The following LDLRAD3 variants were observed in gnomAD, a reference collection of about 807,000 sequenced individuals.
The protein encoded by LDLRAD3 is low-density lipoprotein receptor class A domain-containing protein 3.
LDLRAD3 carries 20 observed loss-of-function variants against 29.4 expected under a neutral mutation model. That is an observed-to-expected ratio of 0.68 (90% CI 0.48 to 0.99). The LOEUF (loss-of-function observed/expected upper bound fraction) is 0.99, where lower values mean the gene tolerates loss of function less well. LDLRAD3 is among the 50% of genes least tolerant of loss of function. The pLI is 0.00. For missense variants in LDLRAD3, 420 were observed against 454.3 expected, an observed-to-expected ratio of 0.92 and a Z score of 0.69; for synonymous variants, 157 against 192.7, an observed-to-expected ratio of 0.81 and a Z score of 1.53.
At chr11:35,959,127 G>A (rs991741122) in intron 1 of LDLRAD3, among the ~76,000 whole-genome samples, 26 of 152,280 alleles carry the variant, frequency 1.7e-4, no homozygotes, top group African/African-American at 5.5e-4. Context: ...AAGGAACGCC[G>A]TCTCCCAGCT....
At chr11:36,076,159 T>A (rs550155847) in intron 2 of LDLRAD3, among the ~76,000 whole-genome samples, 1 of 152,328 alleles carries the variant, frequency 6.6e-6, no homozygotes, top group East Asian at 1.9e-4. Flanking sequence ...AGGAAATGTA[T>A]GTATGTGCAT....
In LDLRAD3 at chr11:36,107,569, G is replaced by A. The variant is rs116810359; in HGVS notation, c.454+9108G>A. Among the ~76,000 whole-genome samples, 1,074 of 152,198 alleles carry A rather than the reference G, an allele frequency of 7.1e-3. 11 individuals carry two copies. The highest frequency in any genetic ancestry group is 0.024 in the African/African-American group (992 of 41,470). On this transcript the variant is annotated intron_variant, in intron 4 of 5. Transcript: ENST00000315571. The stretch of plus-strand genomic sequence containing the variant: ...CAGTCAACCTACATATATGACTGTG[G>A]TCCCATGAAATTATAATACCATGTC...
intron 1 of LDLRAD3, among the ~76,000 whole-genome samples, chr11:35,993,154 C>G (rs1283282602): frequency 6.6e-6 from 1 of 152,150 alleles, no homozygotes. Context: ...CTGGGTCTTT[C>G]TTCTGACTCC....
intron 2 of LDLRAD3, among the ~76,000 whole-genome samples, chr11:36,072,632 C>G (rs1039663179): frequency 1.7e-4 from 26 of 152,172 alleles, no homozygotes; most frequent in African/African-American, 4.8e-4. Flanking sequence ...AAGCTGGACT[C>G]TAGAGCAGAA....
intron 1 of LDLRAD3, among the ~76,000 whole-genome samples, chr11:35,954,074 C>T (rs1851171126): frequency 6.6e-6 from 1 of 152,076 alleles, no homozygotes; most frequent in Admixed American, 6.5e-5. Context: ...ATCGGTGGAT[C>T]CTATGAAGGG....
chr11:36,043,762 C>T (rs974139011), intron 2 of LDLRAD3, among the ~76,000 whole-genome samples: 1 of 152,132 alleles, frequency 6.6e-6, no homozygotes, highest in Non-Finnish European at 1.5e-5. Context: ...TGGTTCTTGG[C>T]AAGCCACTGC....
At chr11:36,089,802 G>A (rs1282425227) in intron 3 of LDLRAD3, among the ~76,000 whole-genome samples, 1 of 150,402 alleles carries the variant, frequency 6.6e-6, no homozygotes, top group Non-Finnish European at 1.5e-5. Flanking sequence ...TGTAGAGAAG[G>A]GGTCTTGCTA....
chr11:35,944,645 G>T lies in LDLRAD3; in HGVS notation c.46+501G>T, dbSNP rs1169633001. On this transcript the variant is annotated intron_variant, in intron 1 of 5. Coordinates refer to ENST00000315571, the MANE Select transcript of LDLRAD3 (RefSeq NM_174902.4). The surrounding 1 kb of genome is among the most constrained non-coding windows in gnomAD (Gnocchi z 4.9). ...TTTCCCCACCTGCACCGCGGAGGGA[G>T]TAGCAAAGCTGCTTCCTTTCATTCC... Among the ~76,000 whole-genome samples, 2 of 152,208 alleles carry T rather than the reference G, an allele frequency of 1.3e-5. No individual in the cohort carries two copies. Among genetic ancestry groups the T allele is most frequent in the African/African-American group, 4.8e-5 (2 of 41,474 alleles).
At chr11:35,949,719 C>G (rs997201779) in intron 1 of LDLRAD3, among the ~76,000 whole-genome samples, 2 of 152,174 alleles carry the variant, frequency 1.3e-5, no homozygotes, top group African/African-American at 4.8e-5. Flanking sequence ...TGCTCTGTTC[C>G]AAACCTTCCT....
intron 2 of LDLRAD3, among the ~76,000 whole-genome samples, chr11:36,059,752 A>G (rs2133232145): frequency 1.3e-5 from 2 of 152,108 alleles, no homozygotes; most frequent in South Asian, 4.1e-4. Context: ...ATCACCACCT[A>G]GCACTTAGCA....
At chr11:36,069,707 C>G (rs577529896) in intron 2 of LDLRAD3, among the ~76,000 whole-genome samples, 1 of 151,770 alleles carries the variant, frequency 6.6e-6, no homozygotes, top group Non-Finnish European at 1.5e-5. Context: ...TCATACTGAC[C>G]TCCTTTCAGT....
intron 4 of LDLRAD3, among the ~76,000 whole-genome samples, chr11:36,118,164 T>C (rs1176047551): frequency 6.6e-6 from 1 of 152,130 alleles, no homozygotes; most frequent in East Asian, 1.9e-4. Context: ...AGCAAAGAAT[T>C]GTCCCACTCC....
intron 4 of LDLRAD3, among the ~76,000 whole-genome samples, chr11:36,131,285 G>A (rs184578558): frequency 5.1e-4 from 77 of 152,312 alleles, no homozygotes; most frequent in Non-Finnish European, 7.1e-4. Context: ...AGCAGCAGAC[G>A]CATCTCAAAG....
chr11:36,085,486 A>G (rs1334324745), intron 3 of LDLRAD3, among the ~76,000 whole-genome samples: 1 of 151,784 alleles, frequency 6.6e-6, no homozygotes, highest in Non-Finnish European at 1.5e-5. Context: ...ATGTTCAGCT[A>G]TTATTTCTTC....
At chr11:35,998,315 C>T (rs536965107) in intron 1 of LDLRAD3, among the ~76,000 whole-genome samples, 52 of 152,322 alleles carry the variant, frequency 3.4e-4, no homozygotes, top group African/African-American at 1.2e-3. Context: ...TTCCTCCTCC[C>T]TCTTCTCTGA....
intron 4 of LDLRAD3, among the ~76,000 whole-genome samples, chr11:36,126,579 G>A (rs1853841235): frequency 6.6e-6 from 1 of 152,174 alleles, no homozygotes; most frequent in African/African-American, 2.4e-5. Flanking sequence ...TGCCTTTGGG[G>A]CAGCGGAGTC....
chr11:36,065,675 C>A (rs1291532296), intron 2 of LDLRAD3, among the ~76,000 whole-genome samples: 1 of 152,232 alleles, frequency 6.6e-6, no homozygotes, highest in Non-Finnish European at 1.5e-5. Context: ...CTGAAGGAGC[C>A]TCCCTCCCTC....
At chr11:36,127,887 A>G (rs1853860623) in intron 4 of LDLRAD3, among the ~76,000 whole-genome samples, 1 of 151,854 alleles carries the variant, frequency 6.6e-6, no homozygotes, top group Admixed American at 6.6e-5. Context: ...TACCCAAAAT[A>G]TGCACTTGCC....
intron 2 of LDLRAD3, among the ~76,000 whole-genome samples, chr11:36,048,571 CAGG>C (rs1852485894): frequency 6.6e-6 from 1 of 152,220 alleles, no homozygotes; most frequent in South Asian, 2.1e-4. Flanking sequence ...AAGTATCTCC[CAGG>C]AGAAGAGTGA....
Sources: allele counts gnomAD v4.1 joint callset (sites outside exome capture counted in the v4.1 genomes callset), GRCh38; gene constraint gnomAD v4.1.1; non-coding constraint Gnocchi (gnomAD v3.1); transcripts MANE v1.5; gene names NCBI Gene and HGNC (gene_info 2026-07-23, HGNC 2026-07-21).